The following RGS7 variants were observed in gnomAD, a reference collection of about 807,000 sequenced individuals.
RGS7 encodes regulator of G protein signaling 7, also known as regulator of G-protein signaling 7.
Under a neutral mutation model 81.1 loss-of-function variants are expected in RGS7, and 27 were observed. The observed-to-expected ratio is 0.33, with a 90% confidence interval of 0.25 to 0.46. The LOEUF is 0.46. Ranked by LOEUF, RGS7 falls within the 20% of genes least tolerant of loss-of-function variation. The probability of loss-of-function intolerance (pLI) is 1.00; values close to 1 mark genes in which losing one functional copy is unlikely to be tolerated. For missense variants in RGS7, 396 were observed against 607.4 expected (o/e 0.65, Z 3.66); for synonymous variants, 208 against 207.7 (o/e 1.00, Z -0.01).
chr1:241,152,386 T>A (rs909662229), intron 2 of RGS7, among the ~76,000 whole-genome samples: 1 of 152,202 alleles, frequency 6.6e-6, no homozygotes, highest in East Asian at 1.9e-4. Flanking sequence ...GAAAATACGA[T>A]CATTCATTGA....
At chr1:240,822,363 A>T (rs1205988967) in intron 10 of RGS7, among the ~76,000 whole-genome samples, 1 of 152,198 alleles carries the variant, frequency 6.6e-6, no homozygotes, top group East Asian at 1.9e-4. Context: ...CAGGCAGGGG[A>T]TGTCTAGATG....
At chr1:240,890,952 A>G in intron 6 of RGS7, among the ~76,000 whole-genome samples, 1 of 152,156 alleles carries the variant, frequency 6.6e-6, no homozygotes, top group East Asian at 1.9e-4. Context: ...AACCTAATGC[A>G]TACTCCTGCT....
chr1:240,873,641 C>G (rs34983182), intron 6 of RGS7, among the ~76,000 whole-genome samples: 18,228 of 152,116 alleles, frequency 0.12, 1,289 homozygotes, highest in African/African-American at 0.2. Flanking sequence ...ATTTATAAAG[C>G]TCTAGAGAAG....
At chr1:241,344,785 C>T (rs942144155) in intron 2 of RGS7, among the ~76,000 whole-genome samples, 1 of 152,188 alleles carries the variant, frequency 6.6e-6, no homozygotes, top group African/African-American at 2.4e-5. Flanking sequence ...CAGTAAATCC[C>T]TGAGGAGTTT....
chr1:240,792,793 C>T (rs1175093707), intron 18 of RGS7, among the ~76,000 whole-genome samples: 1 of 152,196 alleles, frequency 6.6e-6, no homozygotes, highest in Non-Finnish European at 1.5e-5. Flanking sequence ...GTGTTCATAT[C>T]TGTCCTTTTG....
intron 3 of RGS7, among the ~76,000 whole-genome samples, chr1:241,090,877 G>C (rs1267981933): frequency 6.6e-6 from 1 of 152,144 alleles, no homozygotes; most frequent in Non-Finnish European, 1.5e-5. Flanking sequence ...AGCATGTTGG[G>C]AGATGAATGT....
chr1:241,004,066 G>A (rs573772908), intron 3 of RGS7, among the ~76,000 whole-genome samples: 11 of 152,310 alleles, frequency 7.2e-5, no homozygotes, highest in South Asian at 2.1e-4. Flanking sequence ...TGGGCACTGC[G>A]AGGGAATAAC....
chr1:240,902,113 G>A (rs554171451), intron 6 of RGS7, among the ~76,000 whole-genome samples: 17 of 152,264 alleles, frequency 1.1e-4, no homozygotes, highest in African/African-American at 4.1e-4. Flanking sequence ...CAATCAATTG[G>A]TAAGACAGAA....
chr1:240,949,585 C>T (rs10926383), intron 4 of RGS7, among the ~76,000 whole-genome samples: 266 of 152,166 alleles, frequency 1.7e-3, no homozygotes, highest in African/African-American at 5.6e-3. Flanking sequence ...TGGTGGCTCA[C>T]GCCTGTAATC....
chr1:240,932,008 T>C (rs931769669), intron 5 of RGS7, among the ~76,000 whole-genome samples: 2 of 152,176 alleles, frequency 1.3e-5, no homozygotes, highest in African/African-American at 4.8e-5. Flanking sequence ...CTTAATTCTA[T>C]CTGTTAGCTA....
chr1:241,179,291 GT>G (rs1228327197), intron 2 of RGS7, among the ~76,000 whole-genome samples: 1 of 152,120 alleles, frequency 6.6e-6, no homozygotes, highest in Non-Finnish European at 1.5e-5. Context: ...TAGAGACGGG[GT>G]TTCACCATGT....
intron 2 of RGS7, among the ~76,000 whole-genome samples, chr1:241,223,797 A>G (rs1435778063): frequency 6.6e-6 from 1 of 152,004 alleles, no homozygotes; most frequent in Non-Finnish European, 1.5e-5. Flanking sequence ...CAGGGTTGCT[A>G]GGATTTAATG....
At chr1:240,795,018 A>G (rs1686775492) in intron 18 of RGS7, among the ~76,000 whole-genome samples, 1 of 152,100 alleles carries the variant, frequency 6.6e-6, no homozygotes, top group Non-Finnish European at 1.5e-5. Context: ...CCCCGTCTCT[A>G]CTAAAAATAC....
chr1:241,324,371 C>T lies in RGS7; in HGVS notation c.78+31328G>A, dbSNP rs779819955. Among the ~76,000 whole-genome samples the T allele has an allele frequency of 2.0e-5, 3 of 151,334 alleles. No individual in the cohort carries two copies. In the South Asian group the frequency reaches 6.3e-4, roughly 32 times the overall value. ...AAAAAAAGCAACTTTTTACTTAAAA[C>T]CTAGATTCTTTATTTTTCTTCCTAC... is the stretch of plus-strand genomic sequence containing the variant. On this transcript the variant is annotated intron_variant, in intron 2 of 18. Coordinates refer to ENST00000440928, the MANE Select transcript of RGS7 (RefSeq NM_001364886.1).
chr1:241,153,628 CAGCATTGGATAACACAT>C, intron 2 of RGS7, among the ~76,000 whole-genome samples: 1 of 152,386 alleles, frequency 6.6e-6, no homozygotes, highest in South Asian at 2.1e-4. Flanking sequence ...TTTGGGTGTT[CAGCATTGGATAACACAT>C]TTACCTGCAG....
At chr1:240,809,413 T>C (rs1022476441) in intron 14 of RGS7, among the ~76,000 whole-genome samples, 7 of 152,188 alleles carry the variant, frequency 4.6e-5, no homozygotes, top group Non-Finnish European at 1.0e-4. Flanking sequence ...TTAAGTGCAA[T>C]TCACAGCCCT....
intron 9 of RGS7, among the ~76,000 whole-genome samples, chr1:240,851,249 C>T (rs995271836): frequency 2.0e-5 from 3 of 152,168 alleles, no homozygotes; most frequent in African/African-American, 7.2e-5. Context: ...TCCGAAAATT[C>T]TAGGGCCCAT....
chr1:241,119,975 T>C (rs1359678820), intron 2 of RGS7, among the ~76,000 whole-genome samples: 2 of 152,244 alleles, frequency 1.3e-5, no homozygotes. Context: ...CCTTGATCTC[T>C]TCAAAGCCAT....
At chr1:240,931,933 G>T (rs1675510601) in intron 5 of RGS7, among the ~76,000 whole-genome samples, 1 of 152,084 alleles carries the variant, frequency 6.6e-6, no homozygotes, top group Non-Finnish European at 1.5e-5. Flanking sequence ...TCAACCCCTA[G>T]TCCCTGGAAT....
Sources: allele counts gnomAD v4.1 joint callset (sites outside exome capture counted in the v4.1 genomes callset), GRCh38; gene constraint gnomAD v4.1.1; transcripts MANE v1.5; gene names NCBI Gene and HGNC (gene_info 2026-07-23, HGNC 2026-07-21).